The following GABRG1 variants were observed in gnomAD, a reference collection of about 807,000 sequenced individuals.
The protein encoded by GABRG1 is gamma-aminobutyric acid type A receptor subunit gamma1, also known as gamma-aminobutyric acid receptor subunit gamma-1.
A neutral mutation model predicts 49.8 loss-of-function variants in GABRG1; 49 were observed. The observed-to-expected ratio is 0.98, with a 90% CI of 0.78 to 1.25. GABRG1 has a LOEUF of 1.25. GABRG1 is among the 50% of genes most tolerant of loss of function. GABRG1 has a pLI of 0.00. For missense variants in GABRG1, 552 were observed against 552.3 expected (o/e 1.00, Z 0.01); for synonymous variants, 232 against 185.1 (o/e 1.25, Z -2.06).
At chr4:46,085,899 A>T (rs1278258221) in intron 2 of GABRG1, among the ~76,000 whole-genome samples, 1 of 151,596 alleles carries the variant, frequency 6.6e-6, no homozygotes. Flanking sequence ...TTTTAATTTA[A>T]AACTAGAAAA....
intron 8 of GABRG1, 85 bp from the exon 9 acceptor site, chr4:46,041,339 A>C (rs185702066): frequency 1.7e-4 from 200 of 1,176,352 alleles, no homozygotes; most frequent in African/African-American, 9.5e-4. Flanking sequence ...AAACTCTAGG[A>C]GACTGACAGG....
intron 5 of GABRG1, among the ~76,000 whole-genome samples, chr4:46,063,107 A>C (rs1264968542): frequency 6.6e-6 from 1 of 151,706 alleles, no homozygotes; most frequent in East Asian, 1.9e-4. Flanking sequence ...GGTAATTTAT[A>C]GATTCAATGC....
At position 46,038,034 on chromosome 4, in the gene GABRG1, G is replaced by T. The variant is rs1717600108; in HGVS notation, c.*2954C>A. On this transcript the variant is annotated 3_prime_UTR_variant, in exon 9 of 9. Transcript: ENST00000295452. Reference sequence around the variant, plus strand: ...GCCTTCATATTTATACACATTTACTGTGCTTAATTTAAAGTTGATCAATTT... The same window carrying T: ...GCCTTCATATTTATACACATTTACTTTGCTTAATTTAAAGTTGATCAATTT... The T allele has an allele frequency of 6.6e-6, 1 of 151,564 alleles. No individual in the cohort carries two copies. Among genetic ancestry groups the T allele is most frequent in the South Asian group, 2.1e-4 (1 of 4,830 alleles). The allele number at this position is 151,564 out of a possible 1,614,324, so 9.4% of individuals were successfully genotyped here.
At chr4:46,051,027 TG>T (rs1452324596) in intron 8 of GABRG1, among the ~76,000 whole-genome samples, 1 of 151,834 alleles carries the variant, frequency 6.6e-6, no homozygotes, top group Non-Finnish European at 1.5e-5. Context: ...AAGAACGTTG[TG>T]GTCATCACTT....
intron 3 of GABRG1, among the ~76,000 whole-genome samples, chr4:46,068,171 C>G (rs1718987841): frequency 6.6e-6 from 1 of 151,990 alleles, no homozygotes; most frequent in African/African-American, 2.4e-5. Context: ...AACTAAATGC[C>G]CTGGAAAGAG....
chr4:46,086,917 C>A (rs759755048), intron 2 of GABRG1, among the ~76,000 whole-genome samples: 1 of 150,422 alleles, frequency 6.6e-6, no homozygotes, highest in Non-Finnish European at 1.5e-5. Flanking sequence ...TTTTAGAAAG[C>A]AAAGGAATAA....
At chr4:46,119,189 A>G (rs925725292) in intron 1 of GABRG1, among the ~76,000 whole-genome samples, 1 of 151,370 alleles carries the variant, frequency 6.6e-6, no homozygotes, top group Non-Finnish European at 1.5e-5. Flanking sequence ...AATACTCCAG[A>G]AAGTGTGTGA....
rs1717724831 is a variant in GABRG1 at position 46,040,416 on chromosome 4, A to G, written c.*572T>C. On this transcript the variant is annotated 3_prime_UTR_variant, in exon 9 of 9. Coordinates refer to ENST00000295452, the MANE Select transcript of GABRG1 (RefSeq NM_173536.4). ...ACAGGTAAAAATTGACCTTTTCATAAGTCTTCAGTAACTGATAGTTTAAAA... is the reference window on the plus strand; with the variant it reads ...ACAGGTAAAAATTGACCTTTTCATAGGTCTTCAGTAACTGATAGTTTAAAA... 1 of 152,392 alleles carries G rather than the reference A, an allele frequency of 6.6e-6. No individual in the cohort carries two copies. The highest frequency in any genetic ancestry group is 1.5e-5 in the Non-Finnish European group (1 of 67,950). The allele number at this position is 152,392 out of a possible 1,614,324, so 9.4% of individuals were successfully genotyped here. A position where few individuals can be genotyped will look rare whatever the true frequency, so the allele number is the denominator to read the frequency against.
At chr4:46,084,692 C>T (rs374699928) in intron 2 of GABRG1, among the ~76,000 whole-genome samples, 13 of 151,696 alleles carry the variant, frequency 8.6e-5, no homozygotes, top group East Asian at 7.8e-4. Flanking sequence ...ATATTGCATA[C>T]GTATTTAATA....
chr4:46,106,800 T>C (rs201147849), intron 1 of GABRG1, among the ~76,000 whole-genome samples: 12,895 of 144,444 alleles, frequency 0.089, 942 homozygotes, highest in African/African-American at 0.2. Flanking sequence ...TTTTTTTTTT[T>C]GCTGGGTCAT....
chr4:46,110,741 A>T (rs1023238496), intron 1 of GABRG1, among the ~76,000 whole-genome samples: 6 of 150,698 alleles, frequency 4.0e-5, no homozygotes, highest in East Asian at 2.0e-4. Context: ...GAGCATAATT[A>T]AAAAAAACAT....
intron 8 of GABRG1, among the ~76,000 whole-genome samples, chr4:46,049,852 G>A (rs1718146848): frequency 6.6e-6 from 1 of 151,812 alleles, no homozygotes; most frequent in African/African-American, 2.4e-5. Context: ...GCCATGTTTT[G>A]GTTGTGTCCT....
intron 3 of GABRG1, among the ~76,000 whole-genome samples, chr4:46,069,936 T>C (rs1202999990): frequency 6.6e-6 from 1 of 151,936 alleles, no homozygotes. Context: ...CCTGTAAGAT[T>C]TGGAAATATT....
chr4:46,122,649 T>C (rs1281004219), intron 1 of GABRG1, among the ~76,000 whole-genome samples: 1 of 152,076 alleles, frequency 6.6e-6, no homozygotes, highest in Non-Finnish European at 1.5e-5. Context: ...TAAGAGAAAA[T>C]ATACTTGTTC....
At chr4:46,090,797 GTA>G (rs1228824021) in intron 2 of GABRG1, among the ~76,000 whole-genome samples, 2 of 151,874 alleles carry the variant, frequency 1.3e-5, no homozygotes, top group South Asian at 2.1e-4. Context: ...CTTCCCCTTG[GTA>G]TATTTGCTGT....
chr4:46,089,597 T>A (rs906607289), intron 2 of GABRG1, among the ~76,000 whole-genome samples: 1 of 152,134 alleles, frequency 6.6e-6, no homozygotes, highest in African/African-American at 2.4e-5. Flanking sequence ...TAAATTTTTA[T>A]ATTAGGTTGA....
At chr4:46,053,354 TTGA>T (rs756648179) in intron 7 of GABRG1, among the ~76,000 whole-genome samples, 2 of 151,928 alleles carry the variant, frequency 1.3e-5, no homozygotes, top group Non-Finnish European at 2.9e-5. Flanking sequence ...GGTAAAGTAG[TTGA>T]TGATAATTTC....
At chr4:46,041,446 T>C (rs1266999784) in intron 8 of GABRG1, among the ~76,000 whole-genome samples, 192 bp from the exon 9 acceptor site, 1 of 151,946 alleles carries the variant, frequency 6.6e-6, no homozygotes, top group Non-Finnish European at 1.5e-5. Context: ...TGTTACATTC[T>C]ATTAAGCAGA....
chr4:46,094,088 C>T (rs1198614951), intron 2 of GABRG1, among the ~76,000 whole-genome samples: 1 of 151,744 alleles, frequency 6.6e-6, no homozygotes, highest in African/African-American at 2.4e-5. Context: ...GAAGAAATTA[C>T]AAAGAAATAA....
Sources: allele counts gnomAD v4.1 joint callset (sites outside exome capture counted in the v4.1 genomes callset), GRCh38; gene constraint gnomAD v4.1.1; transcripts MANE v1.5; gene names NCBI Gene and HGNC (gene_info 2026-07-23, HGNC 2026-07-21).